Variants in SLC4A9 observed in about 807,000 individuals in gnomAD.
SLC4A9 encodes solute carrier family 4 member 9.
Under a neutral mutation model 103.2 loss-of-function variants are expected in SLC4A9, and 102 were observed. That is an observed-to-expected ratio of 0.99 (90% CI 0.84 to 1.17). The LOEUF (loss-of-function observed/expected upper bound fraction) is 1.17. Among genes scored for constraint, SLC4A9 ranks in the 50% most tolerant of loss-of-function variants. The probability of loss-of-function intolerance (pLI) is 0.00; values close to 1 mark genes in which losing one functional copy is unlikely to be tolerated. For synonymous variants in SLC4A9, 453 were observed against 483.6 expected (o/e 0.94, Z 0.83); for missense variants, 1,091 against 1,193.7 (o/e 0.91, Z 1.27).
chr5:140,368,081 G>C (rs1447105040), intron 16 of SLC4A9, among the ~76,000 whole-genome samples, 183 bp downstream of exon 16: 2 of 152,182 alleles, frequency 1.3e-5, no homozygotes, highest in Admixed American at 1.3e-4. Context: ...TCTCCCCTCA[G>C]CCATGGGGAC....
intron 11 of SLC4A9, 97 bp from the exon 12 acceptor site, chr5:140,365,423 C>T (rs1273955017): frequency 9.7e-7 from 1 of 1,027,154 alleles, no homozygotes; most frequent in East Asian, 2.6e-5. Flanking sequence ...CAATTAAGAA[C>T]TCTGGTTCAC....
chr5:140,363,014 G>A lies in SLC4A9; in HGVS notation c.910G>A (p.Asp304Asn), dbSNP rs1254514334. Reference protein sequence around the residue: ...EVTVLPPGRWDPTARIPPPKC... With the variant: ...EVTVLPPGRWNPTARIPPPKC... ...GACAGTGCTTCCCCCAGGTCGGTGG[G>A]ACCCAACAGCCCGGATTCCCCCGCC... is the stretch of plus-strand genomic sequence containing the variant. Residue 304 changes from aspartate (D) to asparagine (N), a missense_variant, in exon 7 of 22, where the codon GAC (aspartate) becomes AAC (asparagine). Coordinates refer to ENST00000506757, the MANE Select transcript of SLC4A9 (RefSeq NM_031467.3). The surrounding 1 kb of genome is among the most constrained non-coding windows in gnomAD (Gnocchi z 4.5). The A allele has an allele frequency of 1.4e-5, 22 of 1,612,466 alleles. No homozygotes were observed. Among genetic ancestry groups the A allele is most frequent in the Non-Finnish European group, 1.8e-5 (21 of 1,179,502 alleles).
In SLC4A9 at chr5:140,367,546, G is replaced by A. The variant is rs1014452948; in HGVS notation, c.2140G>A (p.Ala714Thr). The change falls in exon 15 of 22, where the codon GCA becomes ACA. Residue 714 changes from alanine (A) to threonine (T), a missense_variant. Transcript: ENST00000506757. ...ILIFMDQQIT[A>T]VILNRMEYRL... ...CATCTTCATGGACCAACAGATCACA[G>A]CAGTCATCCTCAACCGCATGGAATA... 1 of 1,603,826 alleles carries A rather than the reference G, an allele frequency of 6.2e-7. No individual in the cohort carries two copies. Among genetic ancestry groups the A allele is most frequent in the East Asian group, 2.3e-5 (1 of 44,362 alleles).
intron 11 of SLC4A9, among the ~76,000 whole-genome samples, chr5:140,364,943 C>T (rs1052124273): frequency 2.0e-5 from 3 of 152,210 alleles, no homozygotes; most frequent in Non-Finnish European, 4.4e-5. Context: ...GACTATCTTA[C>T]CCCAGGGGAG....
At position 140,363,984 on chromosome 5, in the gene SLC4A9, A is replaced by T; in HGVS notation, c.1255-70A>T. The T allele has an allele frequency of 6.4e-7, 1 of 1,553,152 alleles. No individual in the cohort carries two copies. Among genetic ancestry groups the T allele is most frequent in the South Asian group, 1.2e-5 (1 of 82,392 alleles). The stretch of plus-strand genomic sequence containing the variant: ...CCCTGGGACTATGGGTAAGTTAAGG[A>T]GGCTCTCCCAAAGCTTCAAAGGACC... On this transcript the variant is annotated intron_variant, in intron 9 of 21. Coordinates refer to ENST00000506757, the MANE Select transcript of SLC4A9 (RefSeq NM_031467.3). The surrounding 1 kb of genome is among the most constrained non-coding windows in gnomAD (Gnocchi z 4.5).
rs1262148717 is a variant in SLC4A9, at chr5:140,365,500, A to C, written c.1652-20A>C. On this transcript the variant is annotated intron_variant, in intron 11 of 21. Coordinates refer to ENST00000506757, the MANE Select transcript of SLC4A9 (RefSeq NM_031467.3). ...TCCCAGGGGAGGGAACATACATCTG[A>C]ATTCTTCTCTGCTTCCCAGGAAATG... 1 of 1,602,858 alleles carries C rather than the reference A, an allele frequency of 6.2e-7. No individual in the cohort carries two copies. Among genetic ancestry groups the C allele is most frequent in the South Asian group, 1.1e-5 (1 of 88,894 alleles).
At chr5:140,373,110 G>C (rs899833071) in intron 21 of SLC4A9, among the ~76,000 whole-genome samples, 1 of 152,190 alleles carries the variant, frequency 6.6e-6, no homozygotes, top group African/African-American at 2.4e-5. Context: ...AATGGGTGTT[G>C]TGGGGGGCGG....
chr5:140,365,321 G>A (rs947731705), intron 11 of SLC4A9, among the ~76,000 whole-genome samples, 199 bp from the exon 12 acceptor site: 6 of 152,206 alleles, frequency 3.9e-5, no homozygotes, highest in African/African-American at 1.4e-4. Flanking sequence ...TACCAGGGAT[G>A]CAGATGGGTA....
chr5:140,362,174 G>C lies in SLC4A9; in HGVS notation c.719G>C (p.Arg240Thr), dbSNP rs750114551. Residue 240 changes from arginine to threonine, a missense_variant and splice_region_variant, in exon 5 of 22, where the codon AGG becomes ACG. Transcript: ENST00000506757. ...GSLTEVSLPS[R>T]FFCLLLGPCM... ...CTTACTGAGGTGTCCCTCCCAAGCA[G>C]GTGAGGCTACTGAGTGAGTGGGAGT... 2 of 1,529,052 alleles carry C rather than the reference G, an allele frequency of 1.3e-6. No individual in the cohort carries two copies. The highest frequency in any genetic ancestry group is 1.8e-4 in the Middle Eastern group (1 of 5,682). The allele number at this position is 1,529,052 out of a possible 1,614,324, so 94.7% of individuals were successfully genotyped here. A position where few individuals can be genotyped will look rare whatever the true frequency, so the allele number is the denominator to read the frequency against.
chr5:140,365,646 G>A, intron 12 of SLC4A9, 68 bp downstream of exon 12: 1 of 1,542,322 alleles, frequency 6.5e-7, no homozygotes, highest in Non-Finnish European at 8.9e-7. Flanking sequence ...GTGGTTTCTA[G>A]CTCTTCCTAC....
chr5:140,363,503 A>G lies in SLC4A9; in HGVS notation c.1027A>G (p.Arg343Gly), dbSNP rs1767416545. Residue 343 changes from arginine (R) to glycine (G), a missense_variant, in exon 8 of 22, where the codon AGG (arginine) becomes GGG (glycine). Physicochemically the swap from Arg to Gly is moderately radical, Grantham distance 125. Transcript: ENST00000506757. This position sits in a 1 kb window ranked among gnomAD's most constrained non-coding sequence, Gnocchi z 4.5. ...CCCGCGCCTGACCTCGGCTGAGGAC[A>G]GGCACCGCCATGGGCCACACGCACA... Reference protein sequence around the residue: ...AVPRLTSAEDRHRHGPHAHSP... With the variant: ...AVPRLTSAEDGHRHGPHAHSP... 6.4e-7 allele frequency: 1 copy of G among 1,551,568 alleles called. No individual in the cohort carries two copies. The highest frequency in any genetic ancestry group is 8.7e-7 in the Non-Finnish European group (1 of 1,147,292).
At chr5:140,360,591 T>G (rs1330456083) in intron 1 of SLC4A9, 125 bp downstream of exon 1, 7 of 1,139,262 alleles carry the variant, frequency 6.1e-6, no homozygotes, top group Non-Finnish European at 7.5e-6. Flanking sequence ...TGTTCCCTTA[T>G]TTCAGGGTCT....
Position 140,372,387 on chromosome 5 carries a change from A to G in SLC4A9, c.2816A>G (p.Asp939Gly). The change falls in exon 20 of 22, where the codon GAC becomes GGC. Residue 939 changes from aspartate to glycine, a missense_variant. Physicochemically the swap from Asp to Gly is moderately conservative, Grantham distance 94. Transcript: ENST00000506757. ...LEPEHSFSGS[D>G]SEDSELMYQP... ...CCAGAACACTCATTCAGTGGAAGTG[A>G]CAGTGAAGATGTGAGCTCCAGGCTG... is the stretch of plus-strand genomic sequence containing the variant. 1 of 1,609,968 alleles carries G rather than the reference A, an allele frequency of 6.2e-7. No individual in the cohort carries two copies. Among genetic ancestry groups the G allele is most frequent in the Admixed American group, 1.7e-5 (1 of 58,426 alleles).
At position 140,375,129 on chromosome 5, in the gene SLC4A9, C is replaced by G. The variant is rs532180538; in HGVS notation, c.*348C>G. ...AGCCAGTCTTTCCAGAATAAATATT[C>G]ATCTGTTTGAAATAGTTTTTTACAC... On this transcript the variant is annotated 3_prime_UTR_variant, in exon 22 of 22. Coordinates refer to ENST00000506757, the MANE Select transcript of SLC4A9 (RefSeq NM_031467.3). 2 of 152,032 alleles carry G rather than the reference C, an allele frequency of 1.3e-5. No homozygotes were observed. The highest frequency in any genetic ancestry group is 2.9e-5 in the Non-Finnish European group (2 of 68,012). The allele number at this position is 152,032 out of a possible 1,614,324, so 9.4% of individuals were successfully genotyped here.
Position 140,366,172 on chromosome 5 carries a change from T to C in SLC4A9, c.1921T>C (p.Phe641Leu). 6.2e-7 allele frequency: 1 copy of C among 1,613,442 alleles called. No homozygotes were observed. The highest frequency in any genetic ancestry group is 8.5e-7 in the Non-Finnish European group (1 of 1,179,570). Reference sequence around the variant, plus strand: ...CCAGGTGCGCAAAGGGCTCAGCGACTTCTCCTCAGTCCTGGCCATCCTGCT... The same window carrying C: ...CCAGGTGCGCAAAGGGCTCAGCGACCTCTCCTCAGTCCTGGCCATCCTGCT... ...PSVVRKGLSD[F>L]SSVLAILLGC... is the part of the protein sequence containing the mutation. The change falls in exon 14 of 22, where the codon TTC (phenylalanine) becomes CTC (leucine). Residue 641 changes from phenylalanine to leucine, a missense_variant. Physicochemically the swap from Phe to Leu is conservative, Grantham distance 22. Coordinates refer to ENST00000506757, the MANE Select transcript of SLC4A9 (RefSeq NM_031467.3).
intron 17 of SLC4A9, among the ~76,000 whole-genome samples, chr5:140,369,033 T>A (rs12519148): frequency 0.4 from 61,416 of 151,892 alleles, 13,199 homozygotes; most frequent in East Asian, 0.55. Flanking sequence ...AGACTAAGAG[T>A]ATGATCAGCC....
chr5:140,360,597 G>T, intron 1 of SLC4A9, 131 bp downstream of exon 1: 1 of 1,133,078 alleles, frequency 8.8e-7, no homozygotes, highest in South Asian at 1.5e-5. Flanking sequence ...CTTATTTCAG[G>T]GTCTTACCTT....
At position 140,364,581 on chromosome 5, in the gene SLC4A9, G is replaced by T. The variant is rs1348118876; in HGVS notation, c.1607G>T (p.Gly536Val). ...CATACCTATCCTATCCAGAAGCCTG[G>T]GTCCTCTGCCTACGGGTGCCTCTGC... is the stretch of plus-strand genomic sequence containing the variant. ...LTHTYPIQKP[G>V]SSAYGCLCQY... Residue 536 changes from glycine to valine, a missense_variant, in exon 11 of 22, where the codon GGG (glycine) becomes GTG (valine). Physicochemically the swap from Gly to Val is moderately radical, Grantham distance 109 (BLOSUM62 -3). Transcript: ENST00000506757. The T allele has an allele frequency of 2.5e-6, 4 of 1,602,758 alleles. No homozygotes were observed. The highest frequency in any genetic ancestry group is 3.4e-6 in the Non-Finnish European group (4 of 1,174,518).
rs371990487 is a variant in SLC4A9 at position 140,364,525 on chromosome 5, C to A, written c.1551C>A (p.Tyr517Ter). 6.2e-7 allele frequency: 1 copy of A among 1,610,536 alleles called. No homozygotes were observed. Among genetic ancestry groups the A allele is most frequent in the Non-Finnish European group, 8.5e-7 (1 of 1,178,218 alleles). The stretch of plus-strand genomic sequence containing the variant: ...CCCTCATCAGCCTCATCTTCATCTA[C>A]GATGCTGTGGGCAAAATGCTGAACT... ...FCALISLIFIYDAVGKMLNLT... is the reference protein window; with the variant it reads ...FCALISLIFI Residue 517 changes from tyrosine to a stop codon, truncating the protein, a stop_gained, in exon 11 of 22, where the codon TAC becomes TAA. Coordinates refer to ENST00000506757, the MANE Select transcript of SLC4A9 (RefSeq NM_031467.3). LOFTEE classifies it high-confidence loss of function.
Sources: gnomAD v4.1 joint callset for allele counts (sites outside exome capture counted in the v4.1 genomes callset) on GRCh38, gnomAD v4.1.1 for gene constraint, Gnocchi (gnomAD v3.1) non-coding constraint, MANE v1.5 for transcripts, NCBI Gene and HGNC (gene_info 2026-07-23, HGNC 2026-07-21) for gene names.